EMILIN2: variants seen among roughly 807,000 people sequenced by gnomAD.
EMILIN2 encodes the protein elastin microfibril interfacer 2, also known as EMILIN-2.
A neutral mutation model predicts 87.1 loss-of-function variants in EMILIN2; 71 were observed. That is an observed-to-expected ratio of 0.82 (90% confidence interval 0.67 to 0.99). EMILIN2 has a LOEUF of 0.99. EMILIN2 is among the 50% of genes least tolerant of loss of function. The probability of loss-of-function intolerance (pLI) is 0.00; values close to 1 mark genes in which losing one functional copy is unlikely to be tolerated. For synonymous variants in EMILIN2, 581 were observed against 563.4 expected, an observed-to-expected ratio of 1.03 and a Z score of -0.44; for missense variants, 1,407 against 1,371.8, an observed-to-expected ratio of 1.03 and a Z score of -0.40.
rs374033040 is a variant in EMILIN2 at position 2,891,060 on chromosome 18, C to T, written c.933C>T (p.Asn311=). ...AQGPTVTMTT[N]ELYQAYVDSK... The stretch of plus-strand genomic sequence containing the variant: ...GCCCGACGGTGACCATGACAACCAA[C>T]GAACTCTACCAAGCCTATGTGGACA... Residue 311 remains asparagine (N), a synonymous_variant, in exon 4 of 8, where the codon AAC becomes AAT. Transcript: ENST00000254528. The surrounding 1 kb of genome is among the most constrained non-coding windows in gnomAD (Gnocchi z 4.6). 4.2e-5 allele frequency: 67 copies of T among 1,614,202 alleles called. No homozygotes were observed. The highest frequency in any genetic ancestry group is 6.6e-5 in the South Asian group (6 of 91,084).
At position 2,891,202 on chromosome 18, in the gene EMILIN2, G is replaced by A. The variant is rs114818710; in HGVS notation, c.1075G>A (p.Gly359Arg). Residue 359 changes from glycine to arginine, a missense_variant, in exon 4 of 8, where the codon GGG (glycine) becomes AGG (arginine). Coordinates refer to ENST00000254528, the MANE Select transcript of EMILIN2 (RefSeq NM_032048.3). This position sits in a 1 kb window ranked among gnomAD's most constrained non-coding sequence, Gnocchi z 4.6. ...TGLQQQCDDY[G>R]SSYLGVIELI... ...CCTCCAGCAGCAGTGTGATGACTAT[G>A]GGAGCAGCTACCTGGGAGTGATAGA... 2.7e-5 allele frequency: 43 copies of A among 1,614,112 alleles called. No homozygotes were observed. The African/African-American group carries it at 5.1e-4, about 19-fold the overall frequency.
At chr18:2,906,569 G>T in intron 4 of EMILIN2, 1 of 373,964 alleles carries the variant, frequency 2.7e-6, no homozygotes, top group Admixed American at 4.6e-5. Context: ...CCCCGGCCCC[G>T]GGCAGGGGTC....
chr18:2,856,689 C>G (rs982147715), intron 2 of EMILIN2, among the ~76,000 whole-genome samples: 6 of 152,196 alleles, frequency 3.9e-5, no homozygotes, highest in Non-Finnish European at 7.4e-5. Flanking sequence ...CACAAATGTT[C>G]TGATTTATCA....
At chr18:2,879,084 G>C (rs2076764053) in intron 2 of EMILIN2, among the ~76,000 whole-genome samples, 1 of 152,170 alleles carries the variant, frequency 6.6e-6, no homozygotes, top group Non-Finnish European at 1.5e-5. Flanking sequence ...GGTATTTTCA[G>C]GGAAGATTCC....
Position 2,913,432 on chromosome 18 carries a change from A to T in EMILIN2, c.*28A>T, listed in dbSNP as rs761617239. 1.3e-6 allele frequency: 2 copies of T among 1,506,208 alleles called. No individual in the cohort carries two copies. Among genetic ancestry groups the T allele is most frequent in the South Asian group, 2.5e-5 (2 of 78,472 alleles). The allele number at this position is 1,506,208 out of a possible 1,614,324, so 93.3% of individuals were successfully genotyped here. On this transcript the variant is annotated 3_prime_UTR_variant, in exon 8 of 8. Coordinates refer to ENST00000254528, the MANE Select transcript of EMILIN2 (RefSeq NM_032048.3). Reference sequence around the variant, plus strand: ...TGGCTGGGGAGATGTCAGGGGAAAGATAGATAGTTGTAAAAACTCTAAAGC... The same window carrying T: ...TGGCTGGGGAGATGTCAGGGGAAAGTTAGATAGTTGTAAAAACTCTAAAGC...
At chr18:2,895,265 T>C (rs1229162715) in intron 4 of EMILIN2, among the ~76,000 whole-genome samples, 1 of 151,830 alleles carries the variant, frequency 6.6e-6, no homozygotes. Flanking sequence ...GCCCTCAGTG[T>C]AGGTATTTAC....
At chr18:2,870,778 C>G (rs796529059) in intron 2 of EMILIN2, among the ~76,000 whole-genome samples, 29 of 152,218 alleles carry the variant, frequency 1.9e-4, no homozygotes, top group African/African-American at 6.7e-4. Flanking sequence ...CACAGGGGGT[C>G]GTAGATCAAG....
intron 4 of EMILIN2, among the ~76,000 whole-genome samples, chr18:2,900,707 G>A (rs1306461600): frequency 6.6e-6 from 1 of 152,088 alleles, no homozygotes; most frequent in African/African-American, 2.4e-5. Flanking sequence ...CAGTTTCTCT[G>A]AATTTTCTGA....
intron 2 of EMILIN2, among the ~76,000 whole-genome samples, chr18:2,856,728 C>T (rs1209874819): frequency 2.0e-5 from 3 of 152,184 alleles, no homozygotes; most frequent in Admixed American, 6.6e-5. Flanking sequence ...TACTGCTCAG[C>T]GTTAACTACT....
intron 2 of EMILIN2, among the ~76,000 whole-genome samples, chr18:2,866,005 G>A (rs7243584): frequency 0.25 from 37,725 of 152,154 alleles, 5,181 homozygotes; most frequent in Admixed American, 0.35. Flanking sequence ...AGGACCTTCC[G>A]AGCCTGGTGC....
chr18:2,901,899 A>G (rs1039077298), intron 4 of EMILIN2, among the ~76,000 whole-genome samples: 1 of 152,252 alleles, frequency 6.6e-6, no homozygotes, highest in Non-Finnish European at 1.5e-5. Context: ...TCGCTTTTTC[A>G]TGACTGTCTC....
chr18:2,908,847 T>C, intron 5 of EMILIN2, 96 bp from the exon 6 acceptor site: 2 of 1,454,084 alleles, frequency 1.4e-6, no homozygotes, highest in South Asian at 1.1e-5. Flanking sequence ...GAAGACTCGA[T>C]TTGAACTTGT....
Position 2,913,480 on chromosome 18 carries a change from T to C in EMILIN2, c.*76T>C, listed in dbSNP as rs1256155228. The stretch of plus-strand genomic sequence containing the variant: ...AGCTTTAATATATTCGGTTTGTATG[T>C]AATGGAAGCACGGGGCTAGAGTTTC... On this transcript the variant is annotated 3_prime_UTR_variant, in exon 8 of 8. Coordinates refer to ENST00000254528, the MANE Select transcript of EMILIN2 (RefSeq NM_032048.3). The C allele has an allele frequency of 1.6e-6, 2 of 1,228,982 alleles. No individual in the cohort carries two copies. Among genetic ancestry groups the C allele is most frequent in the African/African-American group, 3.0e-5 (2 of 65,912 alleles). The allele number at this position is 1,228,982 out of a possible 1,614,324, so 76.1% of individuals were successfully genotyped here. A position where few individuals can be genotyped will look rare whatever the true frequency, so the allele number is the denominator to read the frequency against.
chr18:2,867,937 G>A (rs2076695492), intron 2 of EMILIN2, among the ~76,000 whole-genome samples: 1 of 151,834 alleles, frequency 6.6e-6, no homozygotes, highest in Non-Finnish European at 1.5e-5. Flanking sequence ...CCGGGCAGAG[G>A]CGCCCCTCAC....
intron 4 of EMILIN2, 132 bp downstream of exon 4, chr18:2,892,618 A>C: frequency 7.7e-7 from 1 of 1,294,994 alleles, no homozygotes; most frequent in Non-Finnish European, 1.0e-6. Context: ...ATTATGCTAG[A>C]TTTTGGACAG....
chr18:2,906,908 C>T lies in EMILIN2; in HGVS notation c.2485C>T (p.Arg829Trp), dbSNP rs1389547922. 4 of 1,393,006 alleles carry T rather than the reference C, an allele frequency of 2.9e-6. No individual in the cohort carries two copies. Among genetic ancestry groups the T allele is most frequent in the South Asian group, 1.5e-5 (1 of 64,700 alleles). The allele number at this position is 1,393,006 out of a possible 1,614,324, so 86.3% of individuals were successfully genotyped here. The change falls in exon 5 of 8, where the codon CGG becomes TGG. Residue 829 changes from arginine to tryptophan, a missense_variant. By Grantham distance (101) the Arg-to-Trp change is moderately radical (BLOSUM62 -3). Coordinates refer to ENST00000254528, the MANE Select transcript of EMILIN2 (RefSeq NM_032048.3). Reference sequence around the variant, plus strand: ...TGGGCGACGGCCCGTCCTGCCCCAGCGGCCCCCCGAGGAGAGGCCGCCCCA... The same window carrying T: ...TGGGCGACGGCCCGTCCTGCCCCAGTGGCCCCCCGAGGAGAGGCCGCCCCA... ...DPGRRPVLPQ[R>W]PPEERPPQPP...
chr18:2,861,015 T>G (rs2076658243), intron 2 of EMILIN2, among the ~76,000 whole-genome samples: 1 of 152,256 alleles, frequency 6.6e-6, no homozygotes, highest in South Asian at 2.1e-4. Context: ...TCATGTGTCT[T>G]TTGGCTGCAT....
Position 2,913,232 on chromosome 18 carries a change from G to A in EMILIN2, c.2990G>A (p.Gly997Glu), listed in dbSNP as rs375495282. ...TTCCTGGAATACCACCGCCCTCCAG[G>A]AGCTTTGCATACCTGCGGGGGCCCG... ...REFLEYHRPP[G>E]ALHTCGGPGA... The change falls in exon 8 of 8, where the codon GGA (glycine) becomes GAA (glutamate). Residue 997 changes from glycine (G) to glutamate (E), a missense_variant. Physicochemically the swap from Gly to Glu is moderately conservative, Grantham distance 98. Transcript: ENST00000254528. The A allele has an allele frequency of 2.5e-5, 41 of 1,614,008 alleles. 1 individual carries two copies. Among genetic ancestry groups the A allele is most frequent in the Non-Finnish European group, 3.4e-5 (40 of 1,180,048 alleles).
Position 2,890,712 on chromosome 18 carries a change from A to G in EMILIN2, c.585A>G (p.Thr195=), listed in dbSNP as rs747904549. 6.2e-7 allele frequency: 1 copy of G among 1,614,172 alleles called. No individual in the cohort carries two copies. Among genetic ancestry groups the G allele is most frequent in the East Asian group, 2.2e-5 (1 of 44,892 alleles). The change falls in exon 4 of 8, where the codon ACA becomes ACG. Residue 195 remains threonine, a synonymous_variant. Transcript: ENST00000254528. This position sits in a 1 kb window ranked among gnomAD's most constrained non-coding sequence, Gnocchi z 4.7. ...TAGAGGAGAAGGTTCTTCGACTCAC[A>G]AGGACGGTTCTTGACCTCCAGTCTT... ...QVLEEKVLRL[T]RTVLDLQSSL... is the part of the protein sequence containing the mutation.
Sources: gnomAD v4.1 joint callset for allele counts (sites outside exome capture counted in the v4.1 genomes callset) on GRCh38, gnomAD v4.1.1 for gene constraint, Gnocchi (gnomAD v3.1) non-coding constraint, MANE v1.5 for transcripts, NCBI Gene and HGNC (gene_info 2026-07-23, HGNC 2026-07-21) for gene names.